Variants in PKP4 observed in about 807,000 individuals in gnomAD.
PKP4 encodes the protein plakophilin 4.
PKP4 carries 90 observed loss-of-function variants against 145.1 expected under a neutral mutation model. The observed-to-expected ratio is 0.62, with a 90% CI of 0.52 to 0.74. PKP4 has a LOEUF of 0.74. PKP4 is among the 30% of genes least tolerant of loss of function. PKP4 has a pLI of 0.00. For missense variants in PKP4, 1,340 were observed against 1,482.7 expected, an observed-to-expected ratio of 0.90 and a Z score of 1.58; for synonymous variants, 563 against 577.2, an observed-to-expected ratio of 0.98 and a Z score of 0.35.
rs989791516 is a variant in PKP4, at chr2:158,680,714, A to C, written c.*37A>C. ...CCAACAGAGGAACTCTTTCTTTCTA[A>C]CCTTGTTCAGATTGAGGTGAAAAGT... On this transcript the variant is annotated 3_prime_UTR_variant, in exon 22 of 22. Coordinates refer to ENST00000389759, the MANE Select transcript of PKP4 (RefSeq NM_003628.6). The C allele has an allele frequency of 6.5e-7, 1 of 1,540,616 alleles. No homozygotes were observed. Among genetic ancestry groups the C allele is most frequent in the Middle Eastern group, 1.7e-4 (1 of 5,744 alleles).
At position 158,458,935 on chromosome 2, in the gene PKP4, G is replaced by GAA. The variant is rs11312734; in HGVS notation, c.-6+1727_-6+1728dup. Among the ~76,000 whole-genome samples, 17 of 146,126 alleles carry GAA rather than the reference G, an allele frequency of 1.2e-4. No individual in the cohort carries two copies. In the East Asian group the frequency reaches 2.8e-3, roughly 24 times the overall value. ...TTTCTCTTTGTTACTGAGTTTGACT[G>GAA]AAAAAAAAAAATAAATGCTGCCCTA... On this transcript the variant is annotated intron_variant, in intron 1 of 21. Coordinates refer to ENST00000389759, the MANE Select transcript of PKP4 (RefSeq NM_003628.6).
intron 16 of PKP4, 31 bp from the exon 17 acceptor site, chr2:158,669,689 G>C: frequency 6.7e-7 from 1 of 1,484,390 alleles, no homozygotes. Flanking sequence ...GTACCTTCTG[G>C]AAGTAGAATT....
intron 4 of PKP4, among the ~76,000 whole-genome samples, chr2:158,609,157 T>G (rs2050914093): frequency 1.3e-5 from 2 of 152,120 alleles, no homozygotes; most frequent in Admixed American, 6.5e-5. Context: ...ATTTATAACT[T>G]TGAGTATATA....
chr2:158,603,787 C>T (rs532567654), intron 4 of PKP4, among the ~76,000 whole-genome samples: 77 of 152,244 alleles, frequency 5.1e-4, no homozygotes, highest in African/African-American at 1.7e-3. Flanking sequence ...GAGCTTACAT[C>T]GTAATCAGTA....
intron 2 of PKP4, among the ~76,000 whole-genome samples, chr2:158,570,392 T>C (rs144136718): frequency 8.5e-5 from 13 of 152,346 alleles, no homozygotes; most frequent in African/African-American, 3.1e-4. Flanking sequence ...TGCTATAGCA[T>C]GTCCTGGGAA....
At chr2:158,628,750 G>A (rs2053060210) in intron 7 of PKP4, among the ~76,000 whole-genome samples, 1 of 152,200 alleles carries the variant, frequency 6.6e-6, no homozygotes, top group Non-Finnish European at 1.5e-5. Flanking sequence ...AATCCAGCCA[G>A]ATACTTGTAA....
chr2:158,495,210 T>G (rs1377614936), intron 1 of PKP4, among the ~76,000 whole-genome samples: 1 of 151,868 alleles, frequency 6.6e-6, no homozygotes, highest in African/African-American at 2.4e-5. Flanking sequence ...AGTGCAAGAC[T>G]CCGTCTCAAA....
intron 7 of PKP4, among the ~76,000 whole-genome samples, chr2:158,628,244 G>T (rs1387133767): frequency 6.6e-6 from 1 of 152,076 alleles, no homozygotes; most frequent in Non-Finnish European, 1.5e-5. Context: ...CTCCCAAAGT[G>T]CTGGGATTAC....
chr2:158,541,786 G>A (rs1012686029), intron 2 of PKP4, among the ~76,000 whole-genome samples: 3 of 151,856 alleles, frequency 2.0e-5, no homozygotes, highest in Admixed American at 6.6e-5. Context: ...AAAGCAACGC[G>A]GCATCAGTGA....
At chr2:158,639,716 AAAAGG>A (rs1026158276) in intron 9 of PKP4, among the ~76,000 whole-genome samples, 66 of 152,198 alleles carry the variant, frequency 4.3e-4, no homozygotes, top group Non-Finnish European at 7.9e-4. Context: ...TTAGCTGAAA[AAAAGG>A]AAAGTATAAA....
At chr2:158,463,907 G>A (rs1212566970) in intron 1 of PKP4, among the ~76,000 whole-genome samples, 1 of 152,186 alleles carries the variant, frequency 6.6e-6, no homozygotes, top group Non-Finnish European at 1.5e-5. Flanking sequence ...TAGTGGTGAA[G>A]TGCTCCAGGA....
At chr2:158,625,585 G>GTA (rs1175884718) in intron 7 of PKP4, among the ~76,000 whole-genome samples, 158 bp downstream of exon 7, 6 of 152,186 alleles carry the variant, frequency 3.9e-5, no homozygotes, top group Admixed American at 3.9e-4. Context: ...TTCAGGTTCT[G>GTA]TAATTCTTAA....
intron 1 of PKP4, among the ~76,000 whole-genome samples, chr2:158,498,297 A>AT (rs1696041848): frequency 6.6e-6 from 1 of 152,050 alleles, no homozygotes; most frequent in South Asian, 2.1e-4. Context: ...TTTTCCACAC[A>AT]TTTTTTAGTC....
At chr2:158,609,381 G>A (rs1247012765) in intron 4 of PKP4, among the ~76,000 whole-genome samples, 1 of 152,130 alleles carries the variant, frequency 6.6e-6, no homozygotes, top group Non-Finnish European at 1.5e-5. Context: ...CTTTGGCTGG[G>A]TCTTGACAAA....
At chr2:158,637,361 G>A (rs887851932) in intron 9 of PKP4, among the ~76,000 whole-genome samples, 4 of 152,256 alleles carry the variant, frequency 2.6e-5, no homozygotes, top group South Asian at 2.1e-4. Context: ...GCCTTGAGCC[G>A]TGCAGCAGCC....
At chr2:158,656,353 G>T (rs1471094878) in intron 11 of PKP4, among the ~76,000 whole-genome samples, 2 of 61,768 alleles carry the variant, frequency 3.2e-5, no homozygotes, top group Middle Eastern at 8.1e-3. Flanking sequence ...CCCATAATGC[G>T]TGCTGCCTTC....
At chr2:158,624,497 G>A (rs1272587602) in intron 6 of PKP4, among the ~76,000 whole-genome samples, 1 of 152,192 alleles carries the variant, frequency 6.6e-6, no homozygotes, top group Non-Finnish European at 1.5e-5. Context: ...AATGAAGTAA[G>A]TACATTGTTC....
Position 158,661,252 on chromosome 2 carries a change from C to T in PKP4, c.2094-81C>T. 2.9e-6 allele frequency: 3 copies of T among 1,042,116 alleles called. No homozygotes were observed. The Admixed American group carries it at 5.2e-5, about 18-fold the overall frequency. The allele number at this position is 1,042,116 out of a possible 1,614,324, so 64.6% of individuals were successfully genotyped here. ...GTGGCTGCCACCTGTTGTTCGCTCTCTCAGATCCTTAAGGTTAAGTCCACG... is the reference window on the plus strand; with the variant it reads ...GTGGCTGCCACCTGTTGTTCGCTCTTTCAGATCCTTAAGGTTAAGTCCACG... On this transcript the variant is annotated intron_variant, in intron 12 of 21. Coordinates refer to ENST00000389759, the MANE Select transcript of PKP4 (RefSeq NM_003628.6).
chr2:158,490,736 A>ATCTGACCGG (rs1553543106), intron 1 of PKP4, among the ~76,000 whole-genome samples: 1 of 152,144 alleles, frequency 6.6e-6, no homozygotes, highest in Non-Finnish European at 1.5e-5. Flanking sequence ...TGGAAGACTG[A>ATCTGACCGG]TCTGACCACC....
Sources: gnomAD v4.1 joint callset for allele counts (sites outside exome capture counted in the v4.1 genomes callset) on GRCh38, gnomAD v4.1.1 for gene constraint, MANE v1.5 for transcripts, NCBI Gene and HGNC (gene_info 2026-07-23, HGNC 2026-07-21) for gene names.